The following NCBP1 variants were observed in gnomAD, a reference collection of about 807,000 sequenced individuals.
NCBP1 encodes nuclear cap binding protein subunit 1, also known as nuclear cap-binding protein subunit 1.
In NCBP1, 16 loss-of-function variants were observed where a neutral mutation model predicts 111.7. The ratio of observed to expected loss-of-function variants is 0.14; its 90% CI spans 0.10 to 0.22. NCBP1 has a LOEUF of 0.22. NCBP1 is among the 10% of genes least tolerant of loss of function. The pLI is 1.00. For missense variants in NCBP1, 607 were observed against 957.5 expected (o/e 0.63, Z 4.83); for synonymous variants, 304 against 314.3 (o/e 0.97, Z 0.35).
At position 97,668,860 on chromosome 9, in the gene NCBP1, C is replaced by T. The variant is rs10115149; in HGVS notation, c.2031C>T (p.Asp677=). 2,213 of 1,611,462 alleles carry T rather than the reference C, an allele frequency of 1.4e-3. 23 individuals carry two copies. The African/African-American group carries it at 0.027, about 19-fold the overall frequency. Residue 677 remains aspartate, a synonymous_variant, in exon 21 of 23, where the codon GAC becomes GAT. Coordinates refer to ENST00000375147, the MANE Select transcript of NCBP1 (RefSeq NM_002486.5). ...GCCTTCTATAGCGAAGTGATGATGA[C>T]GACAGAAGCAGTGACAGGAAAGACG... ...ARQHKRRSDD[D]DRSSDRKDGV... is the part of the protein sequence containing the mutation.
intron 19 of NCBP1, among the ~76,000 whole-genome samples, chr9:97,666,395 A>C (rs1447828233): frequency 1.3e-5 from 2 of 152,182 alleles, no homozygotes; most frequent in African/African-American, 4.8e-5. Context: ...TTTTGAGAAA[A>C]TTTCTACACA....
intron 18 of NCBP1, among the ~76,000 whole-genome samples, chr9:97,663,969 A>C (rs922431181): frequency 6.6e-6 from 1 of 151,758 alleles, no homozygotes; most frequent in African/African-American, 2.4e-5. Flanking sequence ...ACTTGAAGCC[A>C]GGAGTTCGAG....
At chr9:97,634,206 C>T (rs1826924720) in intron 1 of NCBP1, among the ~76,000 whole-genome samples, 1 of 152,242 alleles carries the variant, frequency 6.6e-6, no homozygotes, top group African/African-American at 2.4e-5. Flanking sequence ...GTCCGTAAAA[C>T]CACGGAGCAG....
At position 97,668,905 on chromosome 9, in the gene NCBP1, A is replaced by C. The variant is rs564435323; in HGVS notation, c.2076A>C (p.Ile692=). The change falls in exon 21 of 23, where the codon ATA becomes ATC. Residue 692 remains isoleucine (I), a synonymous_variant. Coordinates refer to ENST00000375147, the MANE Select transcript of NCBP1 (RefSeq NM_002486.5). ...AAGACGGGGTTCTTGAGGAACAAAT[A>C]GAACGACTTCAGGAAAAAGTGGAAT... is the stretch of plus-strand genomic sequence containing the variant. The part of the protein sequence containing the change: ...DRKDGVLEEQ[I]ERLQEKVESA... 2 of 1,613,804 alleles carry C rather than the reference A, an allele frequency of 1.2e-6. No individual in the cohort carries two copies. The highest frequency in any genetic ancestry group is 3.3e-5 in the Admixed American group (2 of 60,008).
intron 12 of NCBP1, among the ~76,000 whole-genome samples, chr9:97,655,153 C>T (rs1293974694): frequency 6.6e-6 from 1 of 152,136 alleles, no homozygotes; most frequent in South Asian, 2.1e-4. Context: ...ATTTCATTCT[C>T]TAGTCAAGTA....
chr9:97,655,961 G>T (rs746224670), intron 13 of NCBP1, 50 bp from the exon 14 acceptor site: 2 of 1,520,972 alleles, frequency 1.3e-6, no homozygotes, highest in African/African-American at 1.4e-5. Context: ...ACAAATGGGT[G>T]TAAGTGCAGA....
chr9:97,672,148 G>A lies in NCBP1; in HGVS notation c.*949G>A, dbSNP rs1053561324. The A allele has an allele frequency of 6.6e-6, 1 of 152,164 alleles. No individual in the cohort carries two copies. Among genetic ancestry groups the A allele is most frequent in the East Asian group, 1.9e-4 (1 of 5,196 alleles). 9.4% of individuals were successfully genotyped at this position (152,164 alleles called of 1,614,324 possible). ...CTGTATAGTACTGATGCTGAAATAA[G>A]ATGACAGCAGTTTGTAAAATAATAC... is the stretch of plus-strand genomic sequence containing the variant. On this transcript the variant is annotated 3_prime_UTR_variant, in exon 23 of 23. Transcript: ENST00000375147.
At chr9:97,642,985 T>C (rs757078647) in intron 3 of NCBP1, among the ~76,000 whole-genome samples, 1 of 152,198 alleles carries the variant, frequency 6.6e-6, no homozygotes, top group Non-Finnish European at 1.5e-5. Flanking sequence ...ATCATTTACT[T>C]TCTTAACTCT....
At chr9:97,650,625 T>C (rs1232464385) in intron 9 of NCBP1, 25 bp downstream of exon 9, 7 of 1,590,264 alleles carry the variant, frequency 4.4e-6, no homozygotes, top group East Asian at 2.2e-5. Context: ...ATGGTACTTT[T>C]AGAAGGGAGA....
At chr9:97,667,377 A>G (rs1298586285) in intron 20 of NCBP1, among the ~76,000 whole-genome samples, 1 of 152,346 alleles carries the variant, frequency 6.6e-6, no homozygotes, top group Non-Finnish European at 1.5e-5. Flanking sequence ...TCATTATGAA[A>G]GTATTTTCCA....
chr9:97,671,596 A>G lies in NCBP1; in HGVS notation c.*397A>G, dbSNP rs1828195721. 2 of 155,662 alleles carry G rather than the reference A, an allele frequency of 1.3e-5. No homozygotes were observed. The highest frequency in any genetic ancestry group is 4.8e-5 in the African/African-American group (2 of 41,588). The allele number at this position is 155,662 out of a possible 1,614,324, so 9.6% of individuals were successfully genotyped here. A position where few individuals can be genotyped will look rare whatever the true frequency, so the allele number is the denominator to read the frequency against. On this transcript the variant is annotated 3_prime_UTR_variant, in exon 23 of 23. Transcript: ENST00000375147. ...CTTTTCACAGCTCGGGGATGAATTA[A>G]CATGGCTGAAATAAAACTAAAAGTA...
intron 6 of NCBP1, 50 bp downstream of exon 6, chr9:97,645,782 T>G: frequency 6.3e-7 from 1 of 1,588,126 alleles, no homozygotes; most frequent in South Asian, 1.1e-5. Context: ...AAGGATATCT[T>G]ATATCAGTGA....
In NCBP1 at chr9:97,653,794, G is replaced by GT; in HGVS notation, c.1060-3dup. ...TTGAATTGTGACTCATGATTCTTTT[G>GT]TAGGTGATCTTTGCAGAGCTGTTTC... On this transcript the variant is annotated splice_polypyrimidine_tract_variant and splice_region_variant and intron_variant, in intron 10 of 22. Coordinates refer to ENST00000375147, the MANE Select transcript of NCBP1 (RefSeq NM_002486.5). The GT allele has an allele frequency of 6.2e-7, 1 of 1,608,672 alleles. No homozygotes were observed. The highest frequency in any genetic ancestry group is 8.5e-7 in the Non-Finnish European group (1 of 1,175,806).
intron 10 of NCBP1, among the ~76,000 whole-genome samples, chr9:97,652,473 A>G (rs117277186): frequency 0.014 from 2,135 of 152,304 alleles, 103 homozygotes; most frequent in East Asian, 0.13. Context: ...CAAGAAAAAA[A>G]AGAAAGAGCC....
chr9:97,634,109 C>CT (rs1302874542), intron 1 of NCBP1, among the ~76,000 whole-genome samples, 194 bp downstream of exon 1: 9 of 152,240 alleles, frequency 5.9e-5, no homozygotes, highest in Non-Finnish European at 1.0e-4. Flanking sequence ...CGCCCCAGTT[C>CT]TTTGAGTCAA....
At chr9:97,648,275 G>A (rs1827402160) in intron 8 of NCBP1, 52 bp downstream of exon 8, 1 of 1,543,402 alleles carries the variant, frequency 6.5e-7, no homozygotes, top group African/African-American at 1.4e-5. Context: ...CATTGTGCTT[G>A]TGGGTTAATC....
At chr9:97,640,110 C>G (rs1028691868) in intron 1 of NCBP1, among the ~76,000 whole-genome samples, 5 of 152,064 alleles carry the variant, frequency 3.3e-5, no homozygotes. Context: ...GACTGTCGTT[C>G]CCATTATTTA....
intron 22 of NCBP1, 39 bp from the exon 23 acceptor site, chr9:97,671,046 CT>C: frequency 1.5e-6 from 2 of 1,368,906 alleles, no homozygotes; most frequent in Non-Finnish European, 1.0e-6. Flanking sequence ...TGCTTATATG[CT>C]TTTTCCTGAC....
intron 19 of NCBP1, among the ~76,000 whole-genome samples, chr9:97,664,797 G>A (rs1301774147): frequency 1.3e-5 from 2 of 152,186 alleles, no homozygotes; most frequent in Non-Finnish European, 2.9e-5. Context: ...CTTCAGTGGG[G>A]ATGGCACCTA....
Sources: gnomAD v4.1 joint callset for allele counts (sites outside exome capture counted in the v4.1 genomes callset) on GRCh38, gnomAD v4.1.1 for gene constraint, MANE v1.5 for transcripts, NCBI Gene and HGNC (gene_info 2026-07-23, HGNC 2026-07-21) for gene names.